The following WNK2 variants were observed in gnomAD, a reference collection of about 807,000 sequenced individuals.
WNK2 encodes the protein WNK lysine deficient protein kinase 2.
In WNK2, 67 loss-of-function variants were observed where a neutral mutation model predicts 192.1. The ratio of observed to expected loss-of-function variants is 0.35; its 90% CI spans 0.29 to 0.43. The LOEUF is 0.43. WNK2 is among the 20% of genes least tolerant of loss of function. WNK2 has a pLI of 1.00. For synonymous variants in WNK2, 1,439 were observed against 1,393.9 expected (o/e 1.03, Z -0.72); for missense variants, 2,698 against 3,089.7 (o/e 0.87, Z 3.01).
intron 28 of WNK2, among the ~76,000 whole-genome samples, chr9:93,310,291 C>T (rs1372335862): frequency 2.0e-5 from 3 of 152,182 alleles, no homozygotes; most frequent in African/African-American, 4.8e-5. Flanking sequence ...CACAGCTCTG[C>T]GAGGCTGCAC....
intron 2 of WNK2, among the ~76,000 whole-genome samples, chr9:93,218,793 C>T (rs1013345238): frequency 2.6e-5 from 4 of 152,228 alleles, no homozygotes; most frequent in African/African-American, 7.2e-5. Flanking sequence ...GCCAGGGCTG[C>T]CCCGGCTTCC....
At chr9:93,194,010 G>A (rs956759541) in intron 2 of WNK2, among the ~76,000 whole-genome samples, 23 of 152,102 alleles carry the variant, frequency 1.5e-4, no homozygotes, top group African/African-American at 5.1e-4. Flanking sequence ...ATAGAGACAA[G>A]ATCATCTTTT....
chr9:93,208,657 A>G (rs1833844339), intron 2 of WNK2, among the ~76,000 whole-genome samples: 1 of 1,426 alleles, frequency 7.0e-4, no homozygotes, highest in South Asian at 0.018. Context: ...CTGTGTGTGC[A>G]TGTATTCTGT....
rs1209050847 is a variant in WNK2, at chr9:93,263,744, C to T, written c.3579+10C>T. On this transcript the variant is annotated intron_variant, in intron 15 of 29. Transcript: ENST00000427277. ...GCTTACCATCTTGAACGTGAGTGGGCGGGGCGTGGCGGGGGTGTGGTGGGG... is the reference window on the plus strand; with the variant it reads ...GCTTACCATCTTGAACGTGAGTGGGTGGGGCGTGGCGGGGGTGTGGTGGGG... 36 of 983,434 alleles carry T rather than the reference C, an allele frequency of 3.7e-5. No homozygotes were observed. The highest frequency in any genetic ancestry group is 1.1e-4 in the Admixed American group (4 of 36,422). The allele number at this position is 983,434 out of a possible 1,614,324, so 60.9% of individuals were successfully genotyped here.
chr9:93,289,947 G>A (rs775180700), intron 20 of WNK2, 31 bp from the exon 21 acceptor site: 25 of 1,547,322 alleles, frequency 1.6e-5, no homozygotes, highest in African/African-American at 2.7e-5. Context: ...TGAGTCTCAC[G>A]GCTCTTCTCT....
rs185027419 is a variant in WNK2, at chr9:93,292,752, C to A, written c.5287C>A (p.His1763Asn). 97 of 1,563,314 alleles carry A rather than the reference C, an allele frequency of 6.2e-5. No individual in the cohort carries two copies. The highest frequency in any genetic ancestry group is 5.1e-4 in the East Asian group (21 of 41,466). The part of the protein sequence containing the change: ...TQDEWTLASP[H>N]SLRYSAPPDV... ...GGACGAGTGGACCCTGGCCTCCCCCCACAGCCTGAGATACTCTGCCCCACC... is the reference window on the plus strand; with the variant it reads ...GGACGAGTGGACCCTGGCCTCCCCCAACAGCCTGAGATACTCTGCCCCACC... The change falls in exon 23 of 30, where the codon CAC becomes AAC. Residue 1763 changes from histidine (H) to asparagine (N), a missense_variant. This residue lies in a region of WNK2 where 1,098 missense variants were observed against 1,101.0 expected (regional missense o/e 1.00). Coordinates refer to ENST00000427277, the MANE Select transcript of WNK2 (RefSeq NM_006648.4).
intron 28 of WNK2, chr9:93,316,659 GT>G (rs1337075430): frequency 6.6e-6 from 1 of 152,192 alleles, no homozygotes; most frequent in East Asian, 1.9e-4. Context: ...ATTCTTGTGG[GT>G]TTTCTGCATA....
chr9:93,262,770 T>C (rs7857220), intron 14 of WNK2, 51 bp downstream of exon 14: 181,241 of 1,589,628 alleles, frequency 0.11, 11,984 homozygotes, highest in African/African-American at 0.27. Context: ...GGCGCAGGCC[T>C]GTACAGCCAC....
intron 2 of WNK2, among the ~76,000 whole-genome samples, chr9:93,206,490 C>T (rs1022217987): frequency 2.0e-5 from 3 of 151,670 alleles, no homozygotes; most frequent in Admixed American, 6.6e-5. Flanking sequence ...CACCTTAGCC[C>T]TGGATGCACC....
intron 2 of WNK2, among the ~76,000 whole-genome samples, chr9:93,195,892 A>C (rs899572135): frequency 6.6e-6 from 1 of 151,974 alleles, no homozygotes; most frequent in African/African-American, 2.4e-5. Context: ...GTGTCTTTAA[A>C]GCTATTGTTT....
chr9:93,213,940 T>C (rs1031068386), intron 2 of WNK2, among the ~76,000 whole-genome samples: 2 of 152,228 alleles, frequency 1.3e-5, no homozygotes, highest in Non-Finnish European at 2.9e-5. Context: ...TACCCACTCT[T>C]CTTACCCACC....
intron 8 of WNK2, among the ~76,000 whole-genome samples, chr9:93,250,581 G>A (rs1842448293): frequency 6.6e-6 from 1 of 152,180 alleles, no homozygotes; most frequent in Non-Finnish European, 1.5e-5. Flanking sequence ...ACACATTATT[G>A]TATTGGAAGA....
intron 2 of WNK2, among the ~76,000 whole-genome samples, chr9:93,221,917 G>A (rs73651380): frequency 0.03 from 4,621 of 152,272 alleles, 88 homozygotes; most frequent in Non-Finnish European, 0.043. Context: ...TGGGTTCCAC[G>A]GGAAACATTT....
At chr9:93,223,228 A>G (rs1837228357) in intron 2 of WNK2, among the ~76,000 whole-genome samples, 1 of 152,210 alleles carries the variant, frequency 6.6e-6, no homozygotes, top group Non-Finnish European at 1.5e-5. Flanking sequence ...GAGCCCACTG[A>G]CCACTCACTG....
intron 19 of WNK2, among the ~76,000 whole-genome samples, chr9:93,271,355 T>C (rs369922863): frequency 1.3e-5 from 2 of 152,164 alleles, no homozygotes; most frequent in East Asian, 3.8e-4. Context: ...AGAATAGAAT[T>C]CAAAATAATT....
At chr9:93,297,204 C>A (rs773403404) in intron 23 of WNK2, among the ~76,000 whole-genome samples, 1 of 151,426 alleles carries the variant, frequency 6.6e-6, no homozygotes, top group Non-Finnish European at 1.5e-5. Flanking sequence ...CTGCATCCAC[C>A]CCTCCGCATC....
At chr9:93,222,687 G>A (rs566502275) in intron 2 of WNK2, among the ~76,000 whole-genome samples, 1 of 152,116 alleles carries the variant, frequency 6.6e-6, no homozygotes, top group Non-Finnish European at 1.5e-5. Flanking sequence ...TTATAATGAT[G>A]TCCTTTTTTT....
At chr9:93,297,158 C>G (rs1237820569) in intron 23 of WNK2, among the ~76,000 whole-genome samples, 1 of 138,520 alleles carries the variant, frequency 7.2e-6, no homozygotes, top group African/African-American at 2.6e-5. Context: ...CCCTCCCCAT[C>G]CTCCCCTTCC....
At chr9:93,317,252 C>T (rs1854861727) in intron 28 of WNK2, 2 of 568,606 alleles carry the variant, frequency 3.5e-6, no homozygotes, top group Non-Finnish European at 6.3e-6. Flanking sequence ...ACTAGTCCTC[C>T]TCCAAGTCCC....
Sources: allele counts gnomAD v4.1 joint callset (sites outside exome capture counted in the v4.1 genomes callset), GRCh38; gene constraint gnomAD v4.1.1; regional missense constraint gnomAD v4.1.1; transcripts MANE v1.5; gene names NCBI Gene and HGNC (gene_info 2026-07-23, HGNC 2026-07-21).